EFL1: variants seen among roughly 807,000 people sequenced by gnomAD.
EFL1 encodes the protein elongation factor like GTPase 1.
A neutral mutation model predicts 126.7 loss-of-function variants in EFL1; 76 were observed. That is an observed-to-expected ratio of 0.60 (90% CI 0.50 to 0.73). The LOEUF is 0.73. Among genes scored for constraint, EFL1 ranks in the 30% least tolerant of loss-of-function variants. The pLI is 0.00. For missense variants in EFL1, 1,128 were observed against 1,343.2 expected (o/e 0.84, Z 2.50); for synonymous variants, 410 against 448.4 (o/e 0.91, Z 1.08).
At chr15:82,207,396 A>G (rs1243336548) in intron 15 of EFL1, among the ~76,000 whole-genome samples, 5 of 151,836 alleles carry the variant, frequency 3.3e-5, no homozygotes, top group African/African-American at 9.7e-5. Flanking sequence ...TTGCACCACT[A>G]TTTAACACTG....
chr15:82,163,827 T>G lies in EFL1; in HGVS notation c.1882+26A>C, dbSNP rs754718193. On this transcript the variant is annotated intron_variant, in intron 16 of 19. Coordinates refer to ENST00000268206, the MANE Select transcript of EFL1 (RefSeq NM_024580.6). The stretch of plus-strand genomic sequence containing the variant: ...ATGCTTTAAAAGTATAATAAACATA[T>G]GCTTTTAAAAATAAGGTCATCTTAC... 3.1e-6 allele frequency: 5 copies of G among 1,611,688 alleles called. No homozygotes were observed. In the South Asian group the frequency reaches 5.5e-5, roughly 18 times the overall value.
At chr15:82,140,511 C>T (rs1162960179) in intron 18 of EFL1, among the ~76,000 whole-genome samples, 1 of 152,028 alleles carries the variant, frequency 6.6e-6, no homozygotes, top group Admixed American at 6.6e-5. Context: ...TTCTTTGAGG[C>T]TTCATACTCT....
At chr15:82,164,041 TCAGAAAAACAG>T in intron 15 of EFL1, 57 bp from the exon 16 acceptor site, 1 of 1,593,044 alleles carries the variant, frequency 6.3e-7, no homozygotes, top group Non-Finnish European at 8.6e-7. Flanking sequence ...TGAATTTATG[TCAGAAAAACAG>T]CAGCATCAAC....
At chr15:82,138,423 A>AGTGTGTGTGT (rs558338398) in intron 19 of EFL1, among the ~76,000 whole-genome samples, 1 of 101,954 alleles carries the variant, frequency 9.8e-6, no homozygotes, top group Admixed American at 1.2e-4. Flanking sequence ...AGAGAGAGAG[A>AGTGTGTGTGT]GAGTGTATGT....
rs758610686 is a variant in EFL1 at position 82,238,359 on chromosome 15, G to C, written c.679C>G (p.Pro227Ala). The C allele has an allele frequency of 1.9e-6, 3 of 1,614,052 alleles. No homozygotes were observed. The highest frequency in any genetic ancestry group is 1.6e-4 in the Middle Eastern group (1 of 6,084). ...GTAAACACCACATTTCCCTGTTCTG[G>C]AGAGAAGTAAAGGTGAGAATCATCT... is the stretch of plus-strand genomic sequence containing the variant. ...DTDDSHLYFS[P>A]EQGNVVFTSA... is the part of the protein sequence containing the mutation. Residue 227 changes from proline (P) to alanine (A), a missense_variant, in exon 7 of 20, where the codon CCA becomes GCA. By Grantham distance (27) the Pro-to-Ala change is conservative (BLOSUM62 -1). Around this residue, in one of 6 missense-constraint regions of EFL1, gnomAD observed 316 missense variants for 318.5 expected, o/e 0.99. Transcript: ENST00000268206.
chr15:82,213,603 C>T (rs1164458282), intron 15 of EFL1, among the ~76,000 whole-genome samples: 1 of 152,168 alleles, frequency 6.6e-6, no homozygotes, highest in Non-Finnish European at 1.5e-5. Context: ...CAGCAGAATG[C>T]CTTTTCTTTC....
At chr15:82,203,379 G>T (rs1182040277) in intron 15 of EFL1, among the ~76,000 whole-genome samples, 1 of 151,680 alleles carries the variant, frequency 6.6e-6, no homozygotes, top group Non-Finnish European at 1.5e-5. Context: ...TGTTTTTTGG[G>T]TTTTTTTGAG....
Position 82,168,654 on chromosome 15 carries a change from A to G in EFL1, c.1751-4670T>C, listed in dbSNP as rs535142925. Among the ~76,000 whole-genome samples, 223 of 152,300 alleles carry G rather than the reference A, an allele frequency of 1.5e-3. 1 individual carries two copies. Among genetic ancestry groups the G allele is most frequent in the African/African-American group, 5.1e-3 (212 of 41,560 alleles). ...CAGCCTCCCAAGTAGTTGGGATTAC[A>G]GGCACTTGCCACCACGCCCGGCTAA... On this transcript the variant is annotated intron_variant, in intron 15 of 19. Transcript: ENST00000268206.
At chr15:82,159,926 G>A (rs1413267182) in intron 16 of EFL1, 1 of 152,158 alleles carries the variant, frequency 6.6e-6, no homozygotes, top group African/African-American at 2.4e-5. Flanking sequence ...GAACCTAGAA[G>A]CCGACCTTGG....
Position 82,130,326 on chromosome 15 carries a change from T to C in EFL1, c.*47A>G. The C allele has an allele frequency of 6.3e-7, 1 of 1,585,300 alleles. No individual in the cohort carries two copies. Among genetic ancestry groups the C allele is most frequent in the Non-Finnish European group, 8.6e-7 (1 of 1,164,596 alleles). ...TTTCCCAATATTAAACCCTTGATGATACTTTTAAATTCACTATAAGGAAAA... is the reference window on the plus strand; with the variant it reads ...TTTCCCAATATTAAACCCTTGATGACACTTTTAAATTCACTATAAGGAAAA... On this transcript the variant is annotated 3_prime_UTR_variant, in exon 20 of 20. Transcript: ENST00000268206.
chr15:82,237,760 AC>A (rs2074888937), intron 7 of EFL1, among the ~76,000 whole-genome samples: 1 of 151,712 alleles, frequency 6.6e-6, no homozygotes, highest in Non-Finnish European at 1.5e-5. Context: ...AAAAAAAAAA[AC>A]ACCAGATGTC....
At chr15:82,253,015 C>G (rs1281485564) in intron 3 of EFL1, among the ~76,000 whole-genome samples, 1 of 151,478 alleles carries the variant, frequency 6.6e-6, no homozygotes, top group Admixed American at 6.6e-5. Flanking sequence ...CATGCCCAGC[C>G]AATACTTAAA....
chr15:82,241,148 C>T (rs1194463242), intron 5 of EFL1, 122 bp downstream of exon 5: 33 of 1,161,428 alleles, frequency 2.8e-5, no homozygotes, highest in African/African-American at 1.2e-4. Flanking sequence ...CAGACTGGAA[C>T]GTTACCAAAT....
rs1230568426 is a variant in EFL1 at position 82,227,572 on chromosome 15, G to A, written c.1070C>T (p.Ala357Val). ...ACTAGGAAGTTTCTGACACACCATA[G>A]CTGAAGTCTATTGTTAAGGACTGAA... ...QWLPISHAVL[A>V]MVCQKLPSPL... is the part of the protein sequence containing the mutation. The change falls in exon 11 of 20, where the codon GCT becomes GTT. Residue 357 changes from alanine (A) to valine (V), a missense_variant and splice_region_variant. Ala to Val is a moderately conservative substitution (Grantham distance 64). This residue lies in a region of EFL1 where 316 missense variants were observed against 318.5 expected (regional missense o/e 0.99). Transcript: ENST00000268206. The A allele has an allele frequency of 6.2e-7, 1 of 1,614,140 alleles. No individual in the cohort carries two copies. Among genetic ancestry groups the A allele is most frequent in the South Asian group, 1.1e-5 (1 of 91,082 alleles).
At chr15:82,138,516 G>T in intron 19 of EFL1, 142 bp downstream of exon 19, 7 of 825,084 alleles carry the variant, frequency 8.5e-6, no homozygotes, top group African/African-American at 1.7e-5. Context: ...AAAGCCATTT[G>T]CTTTCTCCTG....
At chr15:82,186,323 G>T (rs533390556) in intron 15 of EFL1, among the ~76,000 whole-genome samples, 1 of 152,228 alleles carries the variant, frequency 6.6e-6, no homozygotes, top group South Asian at 2.1e-4. Context: ...AAAGCAATAA[G>T]GGGGAAAGGC....
At chr15:82,228,118 G>A in intron 10 of EFL1, 73 bp downstream of exon 10, 1 of 1,493,522 alleles carries the variant, frequency 6.7e-7, no homozygotes, top group Non-Finnish European at 8.9e-7. Flanking sequence ...AGAATTTCTT[G>A]GTTACCATAA....
intron 8 of EFL1, among the ~76,000 whole-genome samples, 161 bp downstream of exon 8, chr15:82,230,687 T>C (rs1037623525): frequency 6.6e-6 from 1 of 152,186 alleles, no homozygotes; most frequent in African/African-American, 2.4e-5. Context: ...AATACCTGTA[T>C]ATGGACTTGT....
intron 3 of EFL1, among the ~76,000 whole-genome samples, chr15:82,256,610 T>C (rs1291013701): frequency 6.6e-6 from 1 of 152,188 alleles, no homozygotes; most frequent in Non-Finnish European, 1.5e-5. Context: ...TTAAGTTCAA[T>C]CTTCATTTTA....
Sources: allele counts gnomAD v4.1 joint callset (sites outside exome capture counted in the v4.1 genomes callset), GRCh38; gene constraint gnomAD v4.1.1; regional missense constraint gnomAD v4.1.1; transcripts MANE v1.5; gene names NCBI Gene and HGNC (gene_info 2026-07-23, HGNC 2026-07-21).